The following IL1RAPL2 variants were observed in gnomAD, a reference collection of about 807,000 sequenced individuals.
IL1RAPL2 encodes the protein X-linked interleukin-1 receptor accessory protein-like 2.
Under a neutral mutation model 44.1 loss-of-function variants are expected in IL1RAPL2, and 3 were observed. That is an observed-to-expected ratio of 0.07 (90% confidence interval 0.03 to 0.18). The LOEUF (loss-of-function observed/expected upper bound fraction) is 0.18, where lower values mean the gene tolerates loss of function less well. Ranked by LOEUF, IL1RAPL2 falls within the 10% of genes least tolerant of loss-of-function variation. The pLI is 1.00. For missense variants in IL1RAPL2, 391 were observed against 496.4 expected, an observed-to-expected ratio of 0.79 and a Z score of 2.02; for synonymous variants, 181 against 178.8, an observed-to-expected ratio of 1.01 and a Z score of -0.10.
chrX:105,228,046 C>G (rs1395733795), intron 3 of IL1RAPL2, among the ~76,000 whole-genome samples: 1 of 111,723 alleles, frequency 9.0e-6, no homozygotes, highest in Admixed American at 9.6e-5. Context: ...TGTTTTCCTT[C>G]CTTGAATTTG....
chrX:104,745,572 G>A (rs556347944), intron 2 of IL1RAPL2, among the ~76,000 whole-genome samples: 2 of 112,447 alleles, frequency 1.8e-5, no homozygotes, highest in South Asian at 7.1e-4. Flanking sequence ...CTGTATTGAA[G>A]TTTAATCAGG....
At chrX:105,067,385 G>A (rs894752062) in intron 2 of IL1RAPL2, among the ~76,000 whole-genome samples, 1 of 111,368 alleles carries the variant, frequency 9.0e-6, no homozygotes, top group African/African-American at 3.3e-5. Flanking sequence ...ACATTCCAAT[G>A]TACAGCCAAG....
At chrX:105,045,391 T>C (rs1259047188) in intron 2 of IL1RAPL2, among the ~76,000 whole-genome samples, 1 of 111,757 alleles carries the variant, frequency 8.9e-6, no homozygotes, top group Non-Finnish European at 1.9e-5. Context: ...AGTGTAAGTG[T>C]ATAATTTAGA....
intron 5 of IL1RAPL2, among the ~76,000 whole-genome samples, chrX:105,363,897 G>C (rs970595586): frequency 5.4e-5 from 6 of 111,076 alleles, no homozygotes; most frequent in Non-Finnish European, 1.1e-4. Flanking sequence ...CAATCCATGG[G>C]TTATCACTTC....
intron 5 of IL1RAPL2, among the ~76,000 whole-genome samples, chrX:105,268,385 T>A (rs1021315281): frequency 7.4e-5 from 8 of 108,010 alleles, no homozygotes. Context: ...GAATAAGGAG[T>A]GTAGGTCAAA....
chrX:105,428,034 ATATAT>A (rs1220849860), intron 5 of IL1RAPL2, among the ~76,000 whole-genome samples: 43 of 112,172 alleles, frequency 3.8e-4, no homozygotes, highest in Admixed American at 4.7e-4. Flanking sequence ...TGTGAATAAA[ATATAT>A]TAATGTTACA....
chrX:104,751,029 A>G (rs1368808344), intron 2 of IL1RAPL2, among the ~76,000 whole-genome samples: 1 of 111,414 alleles, frequency 9.0e-6, no homozygotes, highest in Non-Finnish European at 1.9e-5. Flanking sequence ...CTCTACAATC[A>G]GTTAATTTAT....
At chrX:104,915,343 T>G (rs898501082) in intron 2 of IL1RAPL2, among the ~76,000 whole-genome samples, 14 of 111,109 alleles carry the variant, frequency 1.3e-4, no homozygotes, top group Admixed American at 2.9e-4. Context: ...TTCATGTGTT[T>G]TTTGGCTGCA....
At chrX:104,898,131 A>G (rs1312208583) in intron 2 of IL1RAPL2, among the ~76,000 whole-genome samples, 2 of 112,184 alleles carry the variant, frequency 1.8e-5, no homozygotes, top group East Asian at 2.8e-4. Context: ...TAAATTTTCA[A>G]TAAGTGTTCT....
Position 105,247,154 on chromosome X carries a change from A to G in IL1RAPL2, c.543+13150A>G, listed in dbSNP as rs553637135. On this transcript the variant is annotated intron_variant, in intron 4 of 10. Coordinates refer to ENST00000372582, the MANE Select transcript of IL1RAPL2 (RefSeq NM_017416.2). The stretch of plus-strand genomic sequence containing the variant: ...GTTGTATCTCCTCTATCTGAACTCT[A>G]TCTGTTAGCAAAAGGAGGTGAGTCT... Among the ~76,000 whole-genome samples the G allele has an allele frequency of 6.3e-5, 7 of 111,495 alleles. No homozygotes were observed. The South Asian group carries it at 1.5e-3, about 24-fold the overall frequency.
intron 2 of IL1RAPL2, among the ~76,000 whole-genome samples, chrX:105,076,317 G>A (rs1266974279): frequency 4.5e-5 from 5 of 111,493 alleles, no homozygotes; most frequent in African/African-American, 6.5e-5. Flanking sequence ...AGTCATTCAG[G>A]AGCAGGTTGT....
At chrX:104,591,333 C>CA (rs1195622036) in intron 1 of IL1RAPL2, among the ~76,000 whole-genome samples, 63 of 111,138 alleles carry the variant, frequency 5.7e-4, no homozygotes, top group African/African-American at 2.0e-3. Context: ...AGTATAGCAA[C>CA]AAAAAAAGGA....
chrX:105,172,952 T>C (rs1458464475), intron 2 of IL1RAPL2, among the ~76,000 whole-genome samples: 2 of 110,877 alleles, frequency 1.8e-5, no homozygotes, highest in Non-Finnish European at 3.8e-5. Flanking sequence ...CCTTAAACTT[T>C]GGTTGGAGAG....
chrX:104,615,874 A>G (rs139484224), intron 1 of IL1RAPL2, among the ~76,000 whole-genome samples: 59 of 112,078 alleles, frequency 5.3e-4, no homozygotes, highest in African/African-American at 1.9e-3. Flanking sequence ...TTTCTCTGCA[A>G]CCTCACCAGC....
intron 2 of IL1RAPL2, among the ~76,000 whole-genome samples, chrX:104,726,497 T>C (rs905069116): frequency 1.3e-4 from 15 of 111,882 alleles, no homozygotes; most frequent in African/African-American, 4.5e-4. Context: ...ACAATATTGA[T>C]TCTTCCTATC....
chrX:105,750,339 T>C (rs1197040911), intron 9 of IL1RAPL2, among the ~76,000 whole-genome samples: 1 of 98,335 alleles, frequency 1.0e-5, no homozygotes, highest in African/African-American at 3.8e-5. Context: ...AGTGGTGCAA[T>C]CCTGGCTCAC....
chrX:105,676,515 C>A (rs187840618), intron 6 of IL1RAPL2, among the ~76,000 whole-genome samples: 1 of 111,562 alleles, frequency 9.0e-6, no homozygotes, highest in Non-Finnish European at 1.9e-5. Flanking sequence ...AGGGACTATA[C>A]ACAGGAAAGC....
chrX:104,901,304 G>C (rs781540276), intron 2 of IL1RAPL2, among the ~76,000 whole-genome samples: 15 of 100,251 alleles, frequency 1.5e-4, no homozygotes, highest in African/African-American at 4.1e-4. Flanking sequence ...TCCGCCTCCC[G>C]GGTTCACACC....
intron 6 of IL1RAPL2, among the ~76,000 whole-genome samples, chrX:105,653,871 G>T (rs1293122632): frequency 9.0e-6 from 1 of 111,146 alleles, no homozygotes; most frequent in African/African-American, 3.3e-5. Flanking sequence ...TGAGGAGGCT[G>T]AGTATCAGTC....
Sources: allele counts gnomAD v4.1 joint callset (sites outside exome capture counted in the v4.1 genomes callset), GRCh38; gene constraint gnomAD v4.1.1; transcripts MANE v1.5; gene names NCBI Gene and HGNC (gene_info 2026-07-23, HGNC 2026-07-21).